The following GRIP1 variants were observed in gnomAD, a reference collection of about 807,000 sequenced individuals.
GRIP1 encodes glutamate receptor interacting protein 1, also known as glutamate receptor-interacting protein 1.
A neutral mutation model predicts 129.9 loss-of-function variants in GRIP1; 45 were observed. The ratio of observed to expected loss-of-function variants is 0.35; its 90% CI spans 0.27 to 0.44. The LOEUF is 0.44. GRIP1 is among the 20% of genes least tolerant of loss of function. The pLI, the probability that GRIP1 is intolerant of heterozygous loss-of-function variation, is 1.00. For synonymous variants in GRIP1, 530 were observed against 520.8 expected (o/e 1.02, Z -0.24); for missense variants, 1,196 against 1,396.8 (o/e 0.86, Z 2.29).
intron 1 of GRIP1, chr12:67,037,412 G>A (rs1244380074): frequency 6.6e-6 from 1 of 150,988 alleles, no homozygotes; most frequent in East Asian, 1.9e-4. Flanking sequence ...TGGAGAATCA[G>A]AAGCCAATTC....
chr12:67,002,494 CT>C (rs2135687182), intron 1 of GRIP1, among the ~76,000 whole-genome samples: 1 of 152,324 alleles, frequency 6.6e-6, no homozygotes, highest in African/African-American at 2.4e-5. Context: ...CACAAAGGTT[CT>C]GTTATGCTAA....
rs573606788 is a variant in GRIP1, at chr12:66,709,771, C to T, written c.-419-79435G>A. On this transcript the variant is annotated intron_variant, in intron 1 of 4. Transcript: ENST00000538373. The stretch of plus-strand genomic sequence containing the variant: ...ACCTAAGTCTAACAATTTAGCAGCA[C>T]AAGTGCAGGAGCAAAAGACTCAGAT... 2.0e-5 allele frequency among the ~76,000 whole-genome samples: 3 copies of T among 152,032 alleles called. No individual in the cohort carries two copies. In the South Asian group the frequency reaches 6.2e-4, roughly 32 times the overall value.
intron 1 of GRIP1, among the ~76,000 whole-genome samples, chr12:66,771,045 A>G (rs1051136251): frequency 4.6e-5 from 7 of 152,124 alleles, no homozygotes; most frequent in African/African-American, 1.7e-4. Flanking sequence ...GTGAGCCAAG[A>G]TCACGCCATT....
chr12:66,904,542 C>G (rs1303665811), intron 1 of GRIP1, among the ~76,000 whole-genome samples: 1 of 151,318 alleles, frequency 6.6e-6, no homozygotes, highest in Non-Finnish European at 1.5e-5. Flanking sequence ...GGGAGTTCAT[C>G]ATATATTAGT....
At chr12:67,015,701 C>T (rs1671906090) in intron 1 of GRIP1, among the ~76,000 whole-genome samples, 2 of 152,258 alleles carry the variant, frequency 1.3e-5, no homozygotes, top group Admixed American at 1.3e-4. Context: ...TGTAAACAAT[C>T]CGGCTTAAGG....
chr12:66,640,993 T>C (rs1284986987), intron 1 of GRIP1, among the ~76,000 whole-genome samples: 1 of 152,218 alleles, frequency 6.6e-6, no homozygotes, highest in Admixed American at 6.5e-5. Context: ...ACTTTTTTTT[T>C]CCAGAGGATC....
chr12:66,754,345 G>A (rs1434126861), intron 1 of GRIP1, among the ~76,000 whole-genome samples: 2 of 152,102 alleles, frequency 1.3e-5, no homozygotes, highest in Non-Finnish European at 2.9e-5. Context: ...CATTTCCAAG[G>A]TGTTTGTAAG....
chr12:66,705,460 C>T (rs150006554), intron 1 of GRIP1, among the ~76,000 whole-genome samples: 12,176 of 152,096 alleles, frequency 0.08, 512 homozygotes, highest in East Asian at 0.098. Flanking sequence ...GAATCAATAT[C>T]GTGAAAATGG....
At chr12:67,027,816 C>T (rs2042962052) in intron 1 of GRIP1, among the ~76,000 whole-genome samples, 1 of 152,114 alleles carries the variant, frequency 6.6e-6, no homozygotes, top group African/African-American at 2.4e-5. Context: ...ATGGAGGGGT[C>T]CACGTTCTGG....
At chr12:66,582,443 T>C (rs1042726566) in intron 2 of GRIP1, among the ~76,000 whole-genome samples, 13 of 149,378 alleles carry the variant, frequency 8.7e-5, no homozygotes, top group Admixed American at 2.7e-4. Context: ...GGGTATTCAA[T>C]TAAGAAAAGA....
At chr12:67,058,804 C>T (rs183062165) in intron 1 of GRIP1, among the ~76,000 whole-genome samples, 1 of 152,294 alleles carries the variant, frequency 6.6e-6, no homozygotes, top group Admixed American at 6.5e-5. Flanking sequence ...TCCCCTTTAT[C>T]ATACAGTCAC....
chr12:67,019,460 A>G (rs1018396438), intron 1 of GRIP1, among the ~76,000 whole-genome samples: 2 of 152,212 alleles, frequency 1.3e-5, no homozygotes, highest in African/African-American at 4.8e-5. Flanking sequence ...GAAGGGCAGT[A>G]TGTTAAAGAT....
chr12:66,586,129 T>C (rs1226473718), intron 2 of GRIP1, among the ~76,000 whole-genome samples: 1 of 152,192 alleles, frequency 6.6e-6, no homozygotes, highest in Admixed American at 6.5e-5. Context: ...TTTAGAGTTG[T>C]CCACATTCTC....
At chr12:66,440,663 T>A (rs1044778076) in intron 13 of GRIP1, among the ~76,000 whole-genome samples, 2 of 152,170 alleles carry the variant, frequency 1.3e-5, no homozygotes. Context: ...GTGGATCTGA[T>A]TCCATTATTA....
At chr12:66,678,490 A>C (rs918099143) in intron 1 of GRIP1, among the ~76,000 whole-genome samples, 3 of 152,208 alleles carry the variant, frequency 2.0e-5, no homozygotes, top group African/African-American at 7.2e-5. Flanking sequence ...TATCATAGAA[A>C]GGACAGTAAC....
intron 1 of GRIP1, among the ~76,000 whole-genome samples, chr12:66,645,234 T>G (rs184733220): frequency 1.1e-3 from 168 of 152,320 alleles, no homozygotes; most frequent in Middle Eastern, 3.4e-3. Context: ...AATCTCCTTA[T>G]CTTATTGATG....
At chr12:66,482,386 T>C (rs535825348) in intron 7 of GRIP1, among the ~76,000 whole-genome samples, 1 of 152,318 alleles carries the variant, frequency 6.6e-6, no homozygotes, top group African/African-American at 2.4e-5. Context: ...TTTGACTTTA[T>C]TTTAATGAGC....
At chr12:66,730,701 C>CAAAAA (rs3051132) in intron 1 of GRIP1, among the ~76,000 whole-genome samples, 12,611 of 70,732 alleles carry the variant, frequency 0.18, 875 homozygotes, top group Non-Finnish European at 0.21. Flanking sequence ...GGGTCATCTA[C>CAAAAA]AAAAAAAAAA....
At chr12:66,513,769 C>T (rs1236498797) in intron 7 of GRIP1, among the ~76,000 whole-genome samples, 1 of 152,112 alleles carries the variant, frequency 6.6e-6, no homozygotes. Flanking sequence ...GGTGTGAAAA[C>T]TGTCAGGTTT....
Sources: allele counts gnomAD v4.1 joint callset (sites outside exome capture counted in the v4.1 genomes callset), GRCh38; gene constraint gnomAD v4.1.1; transcripts MANE v1.5; gene names NCBI Gene and HGNC (gene_info 2026-07-23, HGNC 2026-07-21).